CAGE1: variants seen among roughly 807,000 people sequenced by gnomAD.
CAGE1 encodes the protein cancer-associated gene 1 protein.
In CAGE1, 66 loss-of-function variants were observed where a neutral mutation model predicts 94.9. The ratio of observed to expected loss-of-function variants is 0.70; its 90% CI spans 0.57 to 0.85. The LOEUF is 0.85. Ranked by LOEUF, CAGE1 falls within the 40% of genes least tolerant of loss-of-function variation. The probability of loss-of-function intolerance (pLI) is 0.00; values close to 1 mark genes in which losing one functional copy is unlikely to be tolerated. For synonymous variants in CAGE1, 319 were observed against 321.0 expected (o/e 0.99, Z 0.07); for missense variants, 865 against 950.4 (o/e 0.91, Z 1.18).
intron 11 of CAGE1, among the ~76,000 whole-genome samples, chr6:7,353,408 C>T (rs1759849900): frequency 6.6e-6 from 1 of 151,974 alleles, no homozygotes; most frequent in Non-Finnish European, 1.5e-5. Context: ...GGCATGGATG[C>T]AGTGATCAGG....
In CAGE1 at chr6:7,362,505, G is replaced by A. The variant is rs1223895430; in HGVS notation, c.2193+2963C>T. 6.6e-6 allele frequency among the ~76,000 whole-genome samples: 1 copy of A among 152,204 alleles called. No individual in the cohort carries two copies. Among genetic ancestry groups the A allele is most frequent in the African/African-American group, 2.4e-5 (1 of 41,454 alleles). Reference sequence around the variant, plus strand: ...AGCAGGAAGGCAAAGCTGAAGTCAAGGACCCTGTCTCAGGATGGAGGAGGC... The same window carrying A: ...AGCAGGAAGGCAAAGCTGAAGTCAAAGACCCTGTCTCAGGATGGAGGAGGC... On this transcript the variant is annotated intron_variant, in intron 9 of 13. Transcript: ENST00000502583. The surrounding 1 kb of genome is among the most constrained non-coding windows in gnomAD (Gnocchi z 4.1).
chr6:7,345,305 T>C (rs1000253341), intron 11 of CAGE1, among the ~76,000 whole-genome samples: 14 of 152,290 alleles, frequency 9.2e-5, no homozygotes, highest in South Asian at 2.1e-4. Context: ...TTTGCAGTTT[T>C]ATTTCTGAAC....
intron 10 of CAGE1, 42 bp from the exon 11 acceptor site, chr6:7,355,153 AT>A: frequency 7.1e-7 from 1 of 1,412,818 alleles, no homozygotes; most frequent in Non-Finnish European, 9.8e-7. Flanking sequence ...TCATTCTAGA[AT>A]TTTTATTTTT....
At chr6:7,386,873 G>C in intron 2 of CAGE1, 106 bp downstream of exon 2, 1 of 796,364 alleles carries the variant, frequency 1.3e-6, no homozygotes, top group Non-Finnish European at 2.0e-6. Context: ...TGTGTCCACC[G>C]AATATTGTTT....
chr6:7,334,732 A>G (rs1758891649), intron 11 of CAGE1, among the ~76,000 whole-genome samples: 1 of 151,224 alleles, frequency 6.6e-6, no homozygotes. Flanking sequence ...TCTCAAAAAA[A>G]AAAAAAAAAA....
intron 9 of CAGE1, among the ~76,000 whole-genome samples, chr6:7,360,309 T>A (rs1243551916): frequency 6.6e-6 from 1 of 152,154 alleles, no homozygotes; most frequent in Non-Finnish European, 1.5e-5. Context: ...CACACACCTG[T>A]TATGAGGGTT....
intron 12 of CAGE1, among the ~76,000 whole-genome samples, chr6:7,330,297 G>T (rs537198874): frequency 3.9e-5 from 6 of 152,322 alleles, no homozygotes; most frequent in Admixed American, 2.0e-4. Context: ...CTGAGGCGGA[G>T]AATTGCTTGA....
At chr6:7,358,171 A>T (rs998903476) in intron 9 of CAGE1, among the ~76,000 whole-genome samples, 1 of 149,666 alleles carries the variant, frequency 6.7e-6, no homozygotes, top group African/African-American at 2.5e-5. Context: ...CCTCCTGCCC[A>T]TCTGCCTTCC....
chr6:7,346,889 C>A (rs1581670423), intron 11 of CAGE1, among the ~76,000 whole-genome samples: 2 of 152,108 alleles, frequency 1.3e-5, no homozygotes, highest in East Asian at 1.9e-4. Flanking sequence ...AAAGAAGATT[C>A]TAATAAGCAG....
intron 13 of CAGE1, among the ~76,000 whole-genome samples, chr6:7,327,863 G>A (rs528358570): frequency 6.6e-6 from 1 of 152,202 alleles, no homozygotes; most frequent in South Asian, 2.1e-4. Flanking sequence ...CCCGGAAGTG[G>A]AGGTTGCAGT....
rs78092964 is a variant in CAGE1 at position 7,373,991 on chromosome 6, C to T, written c.828G>A (p.Arg276=). 652 of 1,614,056 alleles carry T rather than the reference C, an allele frequency of 4.0e-4. 5 individuals are homozygous for T. The African/African-American group carries it at 7.5e-3, about 19-fold the overall frequency. Residue 276 remains arginine, a synonymous_variant, in exon 5 of 14, where the codon AGG becomes AGA. Coordinates refer to ENST00000502583, the MANE Select transcript of CAGE1 (RefSeq NM_001170692.2). ...STWSSAGISW[R]SEACRENCEM... is the part of the protein sequence containing the mutation. ...CACAGTTCTCCCGACATGCTTCACT[C>T]CTCCAGGAAATGCCTGCCGAAGACC...
At chr6:7,330,743 T>TA (rs1254380576) in intron 12 of CAGE1, among the ~76,000 whole-genome samples, 1 of 152,132 alleles carries the variant, frequency 6.6e-6, no homozygotes, top group Non-Finnish European at 1.5e-5. Flanking sequence ...GGTCTGGAGT[T>TA]TTCTAACAAA....
At chr6:7,343,093 G>A (rs1759247808) in intron 11 of CAGE1, among the ~76,000 whole-genome samples, 1 of 151,776 alleles carries the variant, frequency 6.6e-6, no homozygotes, top group Non-Finnish European at 1.5e-5. Flanking sequence ...GGAGGCTGAG[G>A]CAGGAGAATC....
chr6:7,327,421 G>A (rs1441581228), intron 13 of CAGE1, among the ~76,000 whole-genome samples: 1 of 151,998 alleles, frequency 6.6e-6, no homozygotes, highest in East Asian at 1.9e-4. Context: ...GTGAGCTCAG[G>A]TGTGAGCCAC....
At chr6:7,355,707 G>A (rs879484473) in intron 10 of CAGE1, among the ~76,000 whole-genome samples, 2 of 152,162 alleles carry the variant, frequency 1.3e-5, no homozygotes, top group African/African-American at 2.4e-5. Flanking sequence ...TTTCTGTAAG[G>A]CAGTTTGTAC....
At chr6:7,355,797 G>A (rs180797440) in intron 10 of CAGE1, among the ~76,000 whole-genome samples, 6 of 152,246 alleles carry the variant, frequency 3.9e-5, no homozygotes, top group African/African-American at 1.4e-4. Context: ...AGACCAGGAG[G>A]TTGAGACCAG....
Position 7,334,031 on chromosome 6 carries a change from C to G in CAGE1, c.2429G>C (p.Arg810Thr), listed in dbSNP as rs747649547. The G allele has an allele frequency of 6.5e-7, 1 of 1,527,998 alleles. No homozygotes were observed. The highest frequency in any genetic ancestry group is 1.2e-5 in the South Asian group (1 of 82,126). 94.7% of individuals were successfully genotyped at this position (1,527,998 alleles called of 1,614,324 possible). Reference protein sequence around the residue: ...DLIRKPREKARKPRSKSLENH... With the variant: ...DLIRKPREKATKPRSKSLENH... ...ATAAAGGGAAACTTACCTTGGTTTT[C>G]TGGCTTTTTCTCTGGGCTTTCTAAT... Residue 810 changes from arginine to threonine, a missense_variant, in exon 12 of 14, where the codon AGA becomes ACA. Transcript: ENST00000502583.
chr6:7,387,115 A>C lies in CAGE1; in HGVS notation c.59T>G (p.Val20Gly). The C allele has an allele frequency of 6.4e-7, 1 of 1,551,354 alleles. No individual in the cohort carries two copies. Among genetic ancestry groups the C allele is most frequent in the Non-Finnish European group, 8.7e-7 (1 of 1,146,680 alleles). The part of the protein sequence containing the change: ...SSPSDPVHFE[V>G]DTSHEKVESM... ...TTCTACTTTTTCATGAGAAGTATCCACTTCAAAATGTACAGGATCTGAAGG... is the reference window on the plus strand; with the variant it reads ...TTCTACTTTTTCATGAGAAGTATCCCCTTCAAAATGTACAGGATCTGAAGG... Residue 20 changes from valine (V) to glycine (G), a missense_variant, in exon 2 of 14, where the codon GTG becomes GGG. Val to Gly is a moderately radical substitution (Grantham distance 109, BLOSUM62 -3). Coordinates refer to ENST00000502583, the MANE Select transcript of CAGE1 (RefSeq NM_001170692.2).
chr6:7,373,724 A>G lies in CAGE1; in HGVS notation c.1095T>C (p.Ile365=). 1 of 1,612,674 alleles carries G rather than the reference A, an allele frequency of 6.2e-7. No individual in the cohort carries two copies. Among genetic ancestry groups the G allele is most frequent in the Non-Finnish European group, 8.5e-7 (1 of 1,179,064 alleles). The change falls in exon 5 of 14, where the codon ATT becomes ATC. Residue 365 remains isoleucine (I), a synonymous_variant. Transcript: ENST00000502583. ...CTAGGATTATTTTGTATTTGTCTTC[A>G]ATTAATTCTTCAACATTCTCCTTTA... ...NKLKENVEEL[I]EDKYKIILEK...
Sources: allele counts gnomAD v4.1 joint callset (sites outside exome capture counted in the v4.1 genomes callset), GRCh38; gene constraint gnomAD v4.1.1; non-coding constraint Gnocchi (gnomAD v3.1); transcripts MANE v1.5; gene names NCBI Gene and HGNC (gene_info 2026-07-23, HGNC 2026-07-21).